DISC1: variants seen among roughly 807,000 people sequenced by gnomAD.
DISC1 encodes the protein disrupted in schizophrenia 1 protein.
In DISC1, 57 loss-of-function variants were observed where a neutral mutation model predicts 84.5. The observed-to-expected ratio is 0.67, with a 90% CI of 0.55 to 0.84. DISC1 has a LOEUF of 0.84. Ranked by LOEUF, DISC1 falls within the 40% of genes least tolerant of loss-of-function variation. The probability of loss-of-function intolerance (pLI) is 0.00; values close to 1 mark genes in which losing one functional copy is unlikely to be tolerated. For missense variants in DISC1, 1,000 were observed against 1,057.8 expected, an observed-to-expected ratio of 0.95 and a Z score of 0.76; for synonymous variants, 411 against 415.2, an observed-to-expected ratio of 0.99 and a Z score of 0.12.
At chr1:231,952,681 A>T (rs1438345818) in intron 9 of DISC1, among the ~76,000 whole-genome samples, 1 of 139,052 alleles carries the variant, frequency 7.2e-6, no homozygotes, top group Non-Finnish European at 1.5e-5. Context: ...TGTCTCTCAT[A>T]TATATATGTT....
chr1:232,013,826 C>G (rs821636), intron 11 of DISC1, among the ~76,000 whole-genome samples: 54,653 of 151,892 alleles, frequency 0.36, 10,073 homozygotes, highest in East Asian at 0.42. Context: ...AGTGACCTTT[C>G]TAGGTTTTAT....
intron 3 of DISC1, among the ~76,000 whole-genome samples, chr1:231,713,713 T>TATATAGGAG (rs1261539306): frequency 1.4e-5 from 2 of 145,394 alleles, no homozygotes; most frequent in African/African-American, 5.0e-5. Context: ...GATATATATA[T>TATATAGGAG]ATATATATAT....
chr1:231,963,001 T>C (rs891321228), intron 10 of DISC1, among the ~76,000 whole-genome samples: 3 of 152,208 alleles, frequency 2.0e-5, no homozygotes, highest in African/African-American at 7.2e-5. Context: ...ATAGCAACTT[T>C]TCCTGCTTTG....
chr1:231,754,382 A>C (rs562236979), intron 4 of DISC1, among the ~76,000 whole-genome samples: 1 of 152,174 alleles, frequency 6.6e-6, no homozygotes, highest in African/African-American at 2.4e-5. Context: ...ACTTACAATC[A>C]TGGCAGAAGG....
chr1:231,854,008 A>T lies in DISC1; in HGVS notation c.1981+35491A>T, dbSNP rs1396511631. ...GATGAGTGTAGCAATCTCCTAGACG[A>T]AGGGCCAAGCTGCTCACCCACCTGG... is the stretch of plus-strand genomic sequence containing the variant. On this transcript the variant is annotated intron_variant, in intron 9 of 12. Transcript: ENST00000439617. Among the ~76,000 whole-genome samples, 3 of 152,198 alleles carry T rather than the reference A, an allele frequency of 2.0e-5. No individual in the cohort carries two copies. In the East Asian group the frequency reaches 5.8e-4, roughly 29 times the overall value.
intron 1 of DISC1, among the ~76,000 whole-genome samples, chr1:231,663,334 A>G (rs1222558847): frequency 6.6e-6 from 1 of 152,222 alleles, no homozygotes; most frequent in African/African-American, 2.4e-5. Context: ...GTTGACAGAA[A>G]TGAAGGGAGT....
chr1:231,819,915 C>T (rs2759339), intron 9 of DISC1, among the ~76,000 whole-genome samples: 14,268 of 152,042 alleles, frequency 0.094, 964 homozygotes, highest in East Asian at 0.35. Flanking sequence ...AATAGTTGAG[C>T]CCCTGAAAGC....
chr1:231,707,553 C>T (rs1158930609), intron 3 of DISC1, among the ~76,000 whole-genome samples: 4 of 152,138 alleles, frequency 2.6e-5, no homozygotes, highest in African/African-American at 9.7e-5. Context: ...ATGAAAAATG[C>T]CAACACTTAG....
chr1:231,947,941 T>TA (rs540519762), intron 9 of DISC1, among the ~76,000 whole-genome samples: 1 of 152,160 alleles, frequency 6.6e-6, no homozygotes, highest in Non-Finnish European at 1.5e-5. Context: ...TTGCGATCAT[T>TA]AAAAAGTCAG....
intron 9 of DISC1, chr1:231,819,009 G>A: frequency 1.0e-6 from 1 of 995,012 alleles, no homozygotes; most frequent in South Asian, 4.5e-5. Context: ...TGCCGCCTTA[G>A]CCAAAGTGTC....
chr1:231,706,750 A>G (rs574082814), intron 3 of DISC1, among the ~76,000 whole-genome samples: 1 of 152,360 alleles, frequency 6.6e-6, no homozygotes, highest in South Asian at 2.1e-4. Flanking sequence ...AAGAAAAATG[A>G]TGGTGGCAGA....
At chr1:231,797,510 G>A (rs1050609313) in intron 7 of DISC1, among the ~76,000 whole-genome samples, 20 of 152,274 alleles carry the variant, frequency 1.3e-4, no homozygotes, top group Non-Finnish European at 2.2e-4. Flanking sequence ...GCAGACGGTT[G>A]ACTTCTTGTT....
intron 9 of DISC1, among the ~76,000 whole-genome samples, chr1:231,902,148 C>T (rs78097247): frequency 6.6e-6 from 1 of 152,044 alleles, no homozygotes; most frequent in African/African-American, 2.4e-5. Context: ...GGGGCACTGC[C>T]TCTTGACTGG....
chr1:231,825,290 C>A (rs1278169028), intron 9 of DISC1, among the ~76,000 whole-genome samples: 3 of 149,782 alleles, frequency 2.0e-5, no homozygotes, highest in African/African-American at 7.3e-5. Flanking sequence ...TTGCAACAGG[C>A]AGTTTTTTTT....
intron 3 of DISC1, among the ~76,000 whole-genome samples, chr1:231,733,845 G>A (rs186035993): frequency 1.5e-3 from 220 of 151,128 alleles, no homozygotes; most frequent in African/African-American, 5.0e-3. Flanking sequence ...TGGTGATGAT[G>A]GTAGTGATGG....
chr1:231,850,857 A>G (rs1184775821), intron 9 of DISC1, among the ~76,000 whole-genome samples: 2 of 152,194 alleles, frequency 1.3e-5, no homozygotes, highest in African/African-American at 2.4e-5. Flanking sequence ...GCTCTCTGCT[A>G]TCTGTTCAAC....
intron 10 of DISC1, 120 bp downstream of exon 10, chr1:231,959,008 A>C: frequency 1.4e-6 from 2 of 1,458,356 alleles, no homozygotes; most frequent in Non-Finnish European, 9.0e-7. Flanking sequence ...TAACAAAGAA[A>C]GACACAAAAA....
At chr1:232,001,992 A>G (rs1033354020) in intron 10 of DISC1, among the ~76,000 whole-genome samples, 2 of 152,224 alleles carry the variant, frequency 1.3e-5, no homozygotes, top group African/African-American at 4.8e-5. Context: ...TATATCTGAC[A>G]AAGTATTAGT....
At chr1:232,005,667 A>T (rs1406503825) in intron 10 of DISC1, among the ~76,000 whole-genome samples, 1 of 152,010 alleles carries the variant, frequency 6.6e-6, no homozygotes, top group Non-Finnish European at 1.5e-5. Context: ...CGATCTCATC[A>T]TTTATGGACA....
Sources: allele counts gnomAD v4.1 joint callset (sites outside exome capture counted in the v4.1 genomes callset), GRCh38; gene constraint gnomAD v4.1.1; transcripts MANE v1.5; gene names NCBI Gene and HGNC (gene_info 2026-07-23, HGNC 2026-07-21).